The following EBF2 variants were observed in gnomAD, a reference collection of about 807,000 sequenced individuals.
The protein encoded by EBF2 is transcription factor COE2.
A neutral mutation model predicts 72.8 loss-of-function variants in EBF2; 21 were observed. That is an observed-to-expected ratio of 0.29 (90% CI 0.20 to 0.42). The LOEUF is 0.42. Among genes scored for constraint, EBF2 ranks in the 10% least tolerant of loss-of-function variants. The probability of loss-of-function intolerance (pLI) is 1.00; values close to 1 mark genes in which losing one functional copy is unlikely to be tolerated. For missense variants in EBF2, 637 were observed against 731.2 expected (o/e 0.87, Z 1.49); for synonymous variants, 299 against 274.2 (o/e 1.09, Z -0.89).
chr8:26,028,015 G>A (rs1035722098), intron 6 of EBF2, among the ~76,000 whole-genome samples: 2 of 152,142 alleles, frequency 1.3e-5, no homozygotes, highest in Admixed American at 6.5e-5. Flanking sequence ...AGTTTTGCAA[G>A]ATGAAAAGAG....
At chr8:25,908,385 T>C in intron 7 of EBF2, 89 bp downstream of exon 7, 2 of 1,052,502 alleles carry the variant, frequency 1.9e-6, no homozygotes, top group South Asian at 1.5e-5. Context: ...TGAATAGTAA[T>C]TTTTAAAGAA....
intron 15 of EBF2, 37 bp from the exon 16 acceptor site, chr8:25,844,677 G>C: frequency 6.2e-7 from 1 of 1,613,568 alleles, no homozygotes; most frequent in East Asian, 2.2e-5. Context: ...GAGACTTGGG[G>C]ACTTTTTATG....
intron 6 of EBF2, among the ~76,000 whole-genome samples, chr8:25,999,867 C>A (rs1178003099): frequency 1.3e-5 from 2 of 152,188 alleles, no homozygotes; most frequent in East Asian, 3.9e-4. Context: ...CTAGTACCAG[C>A]CGTGTGGCTC....
At chr8:25,846,263 G>C (rs1238323188) in intron 15 of EBF2, among the ~76,000 whole-genome samples, 4 of 151,880 alleles carry the variant, frequency 2.6e-5, no homozygotes, top group Non-Finnish European at 2.9e-5. Flanking sequence ...GAGGGAGCTG[G>C]AAAATGAATC....
At chr8:25,916,931 T>G (rs2117129990) in intron 6 of EBF2, among the ~76,000 whole-genome samples, 1 of 152,278 alleles carries the variant, frequency 6.6e-6, no homozygotes, top group Admixed American at 6.5e-5. Context: ...CTGCATTCAT[T>G]TAGACATCAG....
chr8:26,000,900 A>G (rs1042307266), intron 6 of EBF2, among the ~76,000 whole-genome samples: 1 of 152,248 alleles, frequency 6.6e-6, no homozygotes, highest in Non-Finnish European at 1.5e-5. Flanking sequence ...TATTATGGAT[A>G]GACTGCCAAT....
At chr8:26,010,774 G>A (rs1804965963) in intron 6 of EBF2, among the ~76,000 whole-genome samples, 1 of 152,162 alleles carries the variant, frequency 6.6e-6, no homozygotes, top group Non-Finnish European at 1.5e-5. Flanking sequence ...CCGCGCTGAG[G>A]GGAACATTCC....
At chr8:26,035,525 A>C (rs534169541) in intron 5 of EBF2, among the ~76,000 whole-genome samples, 1 of 152,252 alleles carries the variant, frequency 6.6e-6, no homozygotes, top group Admixed American at 6.5e-5. Flanking sequence ...CAAACAAATA[A>C]ATATCTTAAA....
At chr8:25,974,304 C>T (rs1804233884) in intron 6 of EBF2, among the ~76,000 whole-genome samples, 1 of 152,214 alleles carries the variant, frequency 6.6e-6, no homozygotes, top group Admixed American at 6.5e-5. Context: ...CCTGTCATCC[C>T]ACTGCTGATT....
rs373583052 is a variant in EBF2 at position 25,853,909 on chromosome 8, TA to T, written c.1529-3149del. Among the ~76,000 whole-genome samples, 13 of 152,206 alleles carry T rather than the reference TA, an allele frequency of 8.5e-5. No homozygotes were observed. In the East Asian group the frequency reaches 2.5e-3, roughly 29 times the overall value. On this transcript the variant is annotated intron_variant, in intron 14 of 15. Coordinates refer to ENST00000520164, the MANE Select transcript of EBF2 (RefSeq NM_022659.4). ...TTTAAAAATACAAATAGCAAAACTC[TA>T]GAAGGATGTGATATATGCCCAAAAT...
rs1381364625 is a variant in EBF2, at chr8:25,955,660, A to G, written c.552-47105T>C. Among the ~76,000 whole-genome samples, 7 of 152,132 alleles carry G rather than the reference A, an allele frequency of 4.6e-5. No homozygotes were observed. In the East Asian group the frequency reaches 1.2e-3, roughly 25 times the overall value. On this transcript the variant is annotated intron_variant, in intron 6 of 15. Coordinates refer to ENST00000520164, the MANE Select transcript of EBF2 (RefSeq NM_022659.4). ...AAGAAATAAAGGATTTGAAGGAAGG[A>G]AAAAGGAGAGAGCTTGGGGAGTCAT...
chr8:25,907,148 G>A (rs908887239), intron 7 of EBF2, among the ~76,000 whole-genome samples: 1 of 151,938 alleles, frequency 6.6e-6, no homozygotes, highest in African/African-American at 2.4e-5. Context: ...GTCCGATGTG[G>A]TAGCTCACAC....
At chr8:26,027,773 T>C (rs1427178906) in intron 6 of EBF2, among the ~76,000 whole-genome samples, 1 of 152,098 alleles carries the variant, frequency 6.6e-6, no homozygotes. Context: ...CGGAATATCA[T>C]TTGGCCTTTA....
intron 6 of EBF2, among the ~76,000 whole-genome samples, chr8:26,014,763 T>A (rs1238348755): frequency 6.6e-6 from 1 of 152,322 alleles, no homozygotes; most frequent in Non-Finnish European, 1.5e-5. Flanking sequence ...CTAATTCTTA[T>A]AGGTTGACAT....
chr8:25,900,090 G>A (rs1229199579), intron 7 of EBF2, among the ~76,000 whole-genome samples: 3 of 152,162 alleles, frequency 2.0e-5, no homozygotes, highest in Non-Finnish European at 2.9e-5. Context: ...GGGCTTGCAT[G>A]CAACCTGGAA....
chr8:25,882,500 T>A (rs1306474354), intron 10 of EBF2, among the ~76,000 whole-genome samples: 4 of 152,116 alleles, frequency 2.6e-5, no homozygotes, highest in African/African-American at 9.7e-5. Context: ...TAGCTTGAAA[T>A]CTGCCATGGT....
At position 25,988,819 on chromosome 8, in the gene EBF2, C is replaced by A. The variant is rs1266886426; in HGVS notation, c.551+44266G>T. Among the ~76,000 whole-genome samples, 5 of 152,232 alleles carry A rather than the reference C, an allele frequency of 3.3e-5. No individual in the cohort carries two copies. In the East Asian group the frequency reaches 5.8e-4, roughly 18 times the overall value. ...AACCAAGGCTCAGAATTGATTTGCCCCAAGTCGCATAACTAAATAGTGGAA... is the reference window on the plus strand; with the variant it reads ...AACCAAGGCTCAGAATTGATTTGCCACAAGTCGCATAACTAAATAGTGGAA... On this transcript the variant is annotated intron_variant, in intron 6 of 15. Coordinates refer to ENST00000520164, the MANE Select transcript of EBF2 (RefSeq NM_022659.4).
intron 6 of EBF2, among the ~76,000 whole-genome samples, chr8:25,989,303 A>T (rs1368315693): frequency 6.6e-6 from 1 of 152,238 alleles, no homozygotes. Flanking sequence ...AGGATGGGCC[A>T]ATGCCACATC....
At chr8:26,037,623 A>C (rs901664389) in intron 5 of EBF2, among the ~76,000 whole-genome samples, 2 of 152,200 alleles carry the variant, frequency 1.3e-5, no homozygotes, top group African/African-American at 4.8e-5. Flanking sequence ...GCTCAAGCTC[A>C]ATACAACTCT....
Sources: gnomAD v4.1 joint callset for allele counts (sites outside exome capture counted in the v4.1 genomes callset) on GRCh38, gnomAD v4.1.1 for gene constraint, MANE v1.5 for transcripts, NCBI Gene and HGNC (gene_info 2026-07-23, HGNC 2026-07-21) for gene names.